The following RAB40B variants were observed in gnomAD, a reference collection of about 807,000 sequenced individuals.
RAB40B encodes ras-related protein Rab-40B.
A neutral mutation model predicts 24.0 loss-of-function variants in RAB40B; 21 were observed. That is an observed-to-expected ratio of 0.88 (90% CI 0.62 to 1.26). The LOEUF is 1.26. Among genes scored for constraint, RAB40B ranks in the 50% most tolerant of loss-of-function variants. The pLI, the probability that RAB40B is intolerant of heterozygous loss-of-function variation, is 0.00. For synonymous variants in RAB40B, 167 were observed against 169.8 expected (o/e 0.98, Z 0.13); for missense variants, 348 against 390.5 (o/e 0.89, Z 0.92).
rs1255210657 is a variant in RAB40B at position 82,667,913 on chromosome 17, G to A, written c.143-3357C>T. On this transcript the variant is annotated intron_variant, in intron 1 of 5. Coordinates refer to ENST00000571995, the MANE Select transcript of RAB40B (RefSeq NM_006822.3). This position sits in a 1 kb window ranked among gnomAD's most constrained non-coding sequence, Gnocchi z 4.3. ...AGCAGGCACGCTGAGTGCACCGTCT[G>A]TCTCTCTCTTCTTGGCATGGGCGCT... is the stretch of plus-strand genomic sequence containing the variant. Among the ~76,000 whole-genome samples the A allele has an allele frequency of 1.3e-5, 2 of 152,140 alleles. No individual in the cohort carries two copies. The highest frequency in any genetic ancestry group is 2.9e-5 in the Non-Finnish European group (2 of 68,024).
At chr17:82,689,193 C>G (rs1176878456) in intron 1 of RAB40B, among the ~76,000 whole-genome samples, 1 of 152,270 alleles carries the variant, frequency 6.6e-6, no homozygotes, top group Admixed American at 6.5e-5. Context: ...ATGCACCCAG[C>G]GCGGAGCAGC....
intron 1 of RAB40B, among the ~76,000 whole-genome samples, chr17:82,666,031 TGCACCTGCCACCACACCTGCCACC>T (rs1568033446): frequency 6.0e-5 from 9 of 151,206 alleles, no homozygotes; most frequent in Admixed American, 2.6e-4. Context: ...GGCACACCAC[TGCACCTGCCACCACACCTGCCACC>T]GCACCTGCCA....
intron 2 of RAB40B, chr17:82,662,134 C>G: frequency 1.0e-6 from 1 of 985,468 alleles, no homozygotes; most frequent in Non-Finnish European, 1.2e-6. Context: ...GTCACATGCA[C>G]CTGTGGTCGG....
At chr17:82,677,594 C>T (rs1446460052) in intron 1 of RAB40B, among the ~76,000 whole-genome samples, 2 of 152,198 alleles carry the variant, frequency 1.3e-5, no homozygotes, top group South Asian at 2.1e-4. Context: ...CCTGTGGACT[C>T]GGCCTTTCCC....
chr17:82,698,602 C>T lies in RAB40B; in HGVS notation c.-6G>A. The T allele has an allele frequency of 6.9e-7, 1 of 1,447,690 alleles. No homozygotes were observed. The highest frequency in any genetic ancestry group is 9.2e-7 in the Non-Finnish European group (1 of 1,084,886). The allele number at this position is 1,447,690 out of a possible 1,614,324, so 89.7% of individuals were successfully genotyped here. A position where few individuals can be genotyped will look rare whatever the true frequency, so the allele number is the denominator to read the frequency against. On this transcript the variant is annotated 5_prime_UTR_variant, in exon 1 of 6. Coordinates refer to ENST00000571995, the MANE Select transcript of RAB40B (RefSeq NM_006822.3). ...GGGCTGCCCAGGGCGCTCATCGTGA[C>T]GGCCCGGCGCCCCCACCCATGCCCG...
At chr17:82,665,857 ACT>A (rs1237050913) in intron 1 of RAB40B, among the ~76,000 whole-genome samples, 1 of 151,130 alleles carries the variant, frequency 6.6e-6, no homozygotes, top group Admixed American at 6.6e-5. Context: ...ACAGAGGGAG[ACT>A]CTGTATCAAA....
chr17:82,677,847 G>A (rs144628884), intron 1 of RAB40B, among the ~76,000 whole-genome samples: 1,543 of 152,306 alleles, frequency 0.01, 29 homozygotes, highest in African/African-American at 0.035. Flanking sequence ...CACCTGACCC[G>A]GGGCCTCTTC....
chr17:82,677,364 G>A (rs1225316897), intron 1 of RAB40B, among the ~76,000 whole-genome samples: 1 of 152,198 alleles, frequency 6.6e-6, no homozygotes, highest in East Asian at 1.9e-4. Context: ...ATTACAATGA[G>A]ATTCCCCTCA....
Position 82,697,355 on chromosome 17 carries a change from C to T in RAB40B, c.142+1100G>A, listed in dbSNP as rs1290111112. On this transcript the variant is annotated intron_variant, in intron 1 of 5. Transcript: ENST00000571995. This position sits in a 1 kb window ranked among gnomAD's most constrained non-coding sequence, Gnocchi z 4.9. ...GCCTCAGATCCCGCTTCCTCCCACC[C>T]TCTCCCGCTAAGTTCGTCTCTGGCA... 2.6e-5 allele frequency among the ~76,000 whole-genome samples: 4 copies of T among 152,182 alleles called. No homozygotes were observed. Among genetic ancestry groups the T allele is most frequent in the Non-Finnish European group, 4.4e-5 (3 of 68,024 alleles).
At chr17:82,689,798 C>T (rs916157947) in intron 1 of RAB40B, among the ~76,000 whole-genome samples, 4 of 152,038 alleles carry the variant, frequency 2.6e-5, no homozygotes, top group African/African-American at 9.7e-5. Context: ...GAAACCCCGT[C>T]TCCACTAAAA....
chr17:82,671,565 A>C (rs2046336593), intron 1 of RAB40B, among the ~76,000 whole-genome samples: 1 of 150,832 alleles, frequency 6.6e-6, no homozygotes, highest in Non-Finnish European at 1.5e-5. Context: ...TCACTGACAC[A>C]CCCCACCCCT....
chr17:82,666,064 C>T (rs1459589847), intron 1 of RAB40B, among the ~76,000 whole-genome samples: 1 of 151,298 alleles, frequency 6.6e-6, no homozygotes, highest in African/African-American at 2.4e-5. Context: ...CCGCACCTGC[C>T]ACCGCACCTG....
chr17:82,657,056 G>T lies in RAB40B; in HGVS notation c.*807C>A, dbSNP rs1173216434. 1 of 152,256 alleles carries T rather than the reference G, an allele frequency of 6.6e-6. No individual in the cohort carries two copies. Among genetic ancestry groups the T allele is most frequent in the Non-Finnish European group, 1.5e-5 (1 of 68,110 alleles). 9.4% of individuals were successfully genotyped at this position (152,256 alleles called of 1,614,324 possible). ...ATAAATACAAAATTCGAAAGAACCG[G>T]TCGCCAACTCTACCAAGAGAGAAAC... is the stretch of plus-strand genomic sequence containing the variant. On this transcript the variant is annotated 3_prime_UTR_variant, in exon 6 of 6. Coordinates refer to ENST00000571995, the MANE Select transcript of RAB40B (RefSeq NM_006822.3).
At position 82,674,486 on chromosome 17, in the gene RAB40B, A is replaced by G. The variant is rs1313150501; in HGVS notation, c.143-9930T>C. Among the ~76,000 whole-genome samples, 5 of 149,824 alleles carry G rather than the reference A, an allele frequency of 3.3e-5. No individual in the cohort carries two copies. The East Asian group carries it at 9.8e-4, about 29-fold the overall frequency. On this transcript the variant is annotated intron_variant, in intron 1 of 5. Transcript: ENST00000571995. The stretch of plus-strand genomic sequence containing the variant: ...CTCTAGTAAAAATACAAAAAAAAAA[A>G]AAATTAGCCGGGTGTGGTGGCGGGC...
rs1322042540 is a variant in RAB40B at position 82,692,182 on chromosome 17, C to T, written c.142+6273G>A. Among the ~76,000 whole-genome samples the T allele has an allele frequency of 2.8e-5, 2 of 71,280 alleles. No homozygotes were observed. Among genetic ancestry groups the T allele is most frequent in the African/African-American group, 5.9e-5 (1 of 16,850 alleles). 46.8% of individuals were successfully genotyped at this position (71,280 alleles called of 152,430 possible). A position where few individuals can be genotyped will look rare whatever the true frequency, so the allele number is the denominator to read the frequency against. On this transcript the variant is annotated intron_variant, in intron 1 of 5. Coordinates refer to ENST00000571995, the MANE Select transcript of RAB40B (RefSeq NM_006822.3). The surrounding 1 kb of genome is among the most constrained non-coding windows in gnomAD (Gnocchi z 4.0). Reference sequence around the variant, plus strand: ...AGGTGACAGGCAGAGCAGTGGGGCCCGCACGGTCCGTGGGCTGAGGTGACA... The same window carrying T: ...AGGTGACAGGCAGAGCAGTGGGGCCTGCACGGTCCGTGGGCTGAGGTGACA...
Position 82,671,421 on chromosome 17 carries a change from AACACAC to A in RAB40B, c.143-6871_143-6866del, listed in dbSNP as rs1181052620. ...CTGACACACTTCACCCTGTAACTCT[AACACAC>A]ACACGCTCCCTGTACTAACTGACAC... On this transcript the variant is annotated intron_variant, in intron 1 of 5. Transcript: ENST00000571995. 3.4e-4 allele frequency among the ~76,000 whole-genome samples: 44 copies of A among 130,762 alleles called. 4 individuals are homozygous for A. The highest frequency in any genetic ancestry group is 8.2e-4 in the South Asian group (3 of 3,676). The allele number at this position is 130,762 out of a possible 152,430, so 85.8% of individuals were successfully genotyped here.
intron 1 of RAB40B, among the ~76,000 whole-genome samples, chr17:82,669,941 G>A (rs1352415162): frequency 6.6e-6 from 1 of 152,134 alleles, no homozygotes; most frequent in Non-Finnish European, 1.5e-5. Context: ...GAGAATTTTG[G>A]AAATATTTAT....
chr17:82,685,238 A>C, intron 1 of RAB40B, among the ~76,000 whole-genome samples: 1 of 44,006 alleles, frequency 2.3e-5, no homozygotes, highest in South Asian at 8.3e-4. Context: ...GGGAGGACGG[A>C]GGAGGGAGGG....
intron 2 of RAB40B, chr17:82,662,169 A>G (rs2143457991): frequency 2.0e-6 from 2 of 985,482 alleles, no homozygotes; most frequent in Non-Finnish European, 2.4e-6. Flanking sequence ...ACGAGAGAGA[A>G]GGGCCTGGGG....
Sources: gnomAD v4.1 joint callset for allele counts (sites outside exome capture counted in the v4.1 genomes callset) on GRCh38, gnomAD v4.1.1 for gene constraint, Gnocchi (gnomAD v3.1) non-coding constraint, MANE v1.5 for transcripts, NCBI Gene and HGNC (gene_info 2026-07-23, HGNC 2026-07-21) for gene names.